Variants in THSD7B observed in about 807,000 individuals in gnomAD.
THSD7B encodes the protein thrombospondin type-1 domain-containing protein 7B.
In THSD7B, 138 loss-of-function variants were observed where a neutral mutation model predicts 213.6. That is an observed-to-expected ratio of 0.65 (90% confidence interval 0.56 to 0.74). The LOEUF is 0.74. Ranked by LOEUF, THSD7B falls within the 30% of genes least tolerant of loss-of-function variation. THSD7B has a pLI of 0.00. For missense variants in THSD7B, 1,931 were observed against 1,991.5 expected (o/e 0.97, Z 0.58); for synonymous variants, 742 against 687.0 (o/e 1.08, Z -1.25).
intron 14 of THSD7B, among the ~76,000 whole-genome samples, chr2:137,449,097 T>C (rs2375463): frequency 0.6 from 90,579 of 151,694 alleles, 28,340 homozygotes; most frequent in East Asian, 0.79. Flanking sequence ...TGATCTTTTT[T>C]CCCCCCCTCA....
intron 16 of THSD7B, among the ~76,000 whole-genome samples, chr2:137,564,499 A>G (rs1027602653): frequency 2.6e-5 from 4 of 152,116 alleles, no homozygotes; most frequent in African/African-American, 7.2e-5. Flanking sequence ...GGCTGTTGCA[A>G]ATTTGGAGCT....
intron 15 of THSD7B, among the ~76,000 whole-genome samples, chr2:137,555,392 C>T (rs988240910): frequency 5.9e-5 from 9 of 152,172 alleles, no homozygotes; most frequent in Non-Finnish European, 1.0e-4. Flanking sequence ...CAGCAACATT[C>T]GCTGTTCTGC....
Position 137,632,020 on chromosome 2 carries a change from G to C in THSD7B, c.3800-10468G>C, listed in dbSNP as rs192653746. ...ATAGACCTAATTTTACCGATGTAAT[G>C]ATAGGCACTGAAGTAATCTGCCCAA... is the stretch of plus-strand genomic sequence containing the variant. On this transcript the variant is annotated intron_variant, in intron 20 of 27. Coordinates refer to ENST00000409968, the MANE Select transcript of THSD7B (RefSeq NM_001316349.2). Among the ~76,000 whole-genome samples the C allele has an allele frequency of 1.6e-3, 248 of 152,238 alleles. 1 individual carries two copies. Among genetic ancestry groups the C allele is most frequent in the African/African-American group, 5.7e-3 (237 of 41,528 alleles).
intron 1 of THSD7B, among the ~76,000 whole-genome samples, chr2:136,798,842 A>G (rs1682118548): frequency 6.6e-6 from 1 of 152,006 alleles, no homozygotes; most frequent in African/African-American, 2.4e-5. Context: ...AAATTCCCAT[A>G]AACATTGACC....
chr2:137,039,692 A>C (rs16837912), intron 2 of THSD7B, among the ~76,000 whole-genome samples: 10,807 of 152,246 alleles, frequency 0.071, 781 homozygotes, highest in East Asian at 0.22. Context: ...ATTAAAGCAA[A>C]CAGTGTCCTG....
chr2:136,895,761 A>G (rs1187666343), intron 2 of THSD7B, among the ~76,000 whole-genome samples: 1 of 152,126 alleles, frequency 6.6e-6, no homozygotes, highest in African/African-American at 2.4e-5. Flanking sequence ...ATGCCCATTT[A>G]CAGTTAGCCT....
intron 2 of THSD7B, among the ~76,000 whole-genome samples, chr2:136,993,691 CAACAAG>C (rs762179223): frequency 1.3e-5 from 2 of 152,162 alleles, no homozygotes; most frequent in African/African-American, 2.4e-5. Context: ...TGAAAAACAA[CAACAAG>C]AACAAGAACA....
At chr2:137,452,563 T>G (rs1687673452) in intron 15 of THSD7B, among the ~76,000 whole-genome samples, 1 of 152,198 alleles carries the variant, frequency 6.6e-6, no homozygotes, top group South Asian at 2.1e-4. Flanking sequence ...ATGATAATTC[T>G]TTTTGTATCT....
At chr2:137,132,256 C>T (rs956818460) in intron 5 of THSD7B, among the ~76,000 whole-genome samples, 3 of 151,110 alleles carry the variant, frequency 2.0e-5, no homozygotes, top group Admixed American at 1.3e-4. Flanking sequence ...GCTGAAGTTG[C>T]TTATCAGCTT....
At chr2:136,814,272 A>G (rs1682435167) in intron 1 of THSD7B, among the ~76,000 whole-genome samples, 1 of 152,204 alleles carries the variant, frequency 6.6e-6, no homozygotes. Context: ...ACTCACTTAT[A>G]TTAGCCTCGG....
chr2:137,660,340 G>T (rs1355777373), intron 25 of THSD7B, among the ~76,000 whole-genome samples: 4 of 152,014 alleles, frequency 2.6e-5, no homozygotes, highest in African/African-American at 4.8e-5. Flanking sequence ...CTCATGGTGT[G>T]CAGTGCACTA....
intron 2 of THSD7B, among the ~76,000 whole-genome samples, chr2:137,008,418 G>A (rs951902007): frequency 1.3e-5 from 2 of 152,132 alleles, no homozygotes; most frequent in African/African-American, 4.8e-5. Context: ...CCCTAAGGGT[G>A]CATTGTGTCT....
chr2:137,631,578 T>C (rs1296286825), intron 20 of THSD7B, among the ~76,000 whole-genome samples: 1 of 152,220 alleles, frequency 6.6e-6, no homozygotes, highest in African/African-American at 2.4e-5. Flanking sequence ...ACTTTGTGAC[T>C]TCCAGCTGTT....
intron 12 of THSD7B, among the ~76,000 whole-genome samples, chr2:137,280,465 A>G (rs1419776650): frequency 6.6e-6 from 1 of 152,188 alleles, no homozygotes; most frequent in Non-Finnish European, 1.5e-5. Flanking sequence ...TTCATTATGC[A>G]TTTGTTGCTG....
chr2:137,296,742 C>T (rs1683473351), intron 12 of THSD7B, among the ~76,000 whole-genome samples: 2 of 152,182 alleles, frequency 1.3e-5, no homozygotes, highest in Non-Finnish European at 2.9e-5. Context: ...TTGAAAACAA[C>T]AACTACACAG....
At chr2:137,302,483 G>A (rs1438459253) in intron 12 of THSD7B, among the ~76,000 whole-genome samples, 2 of 152,166 alleles carry the variant, frequency 1.3e-5, no homozygotes, top group African/African-American at 2.4e-5. Flanking sequence ...GACAAGAACA[G>A]TTATATGAAG....
At chr2:137,420,211 A>T (rs1320877557) in intron 14 of THSD7B, among the ~76,000 whole-genome samples, 1 of 152,018 alleles carries the variant, frequency 6.6e-6, no homozygotes, top group Non-Finnish European at 1.5e-5. Flanking sequence ...CTCATATTTC[A>T]TCCACCCCAC....
At position 137,155,193 on chromosome 2, in the gene THSD7B, T is replaced by C. The variant is rs115092908; in HGVS notation, c.1370-5020T>C. On this transcript the variant is annotated intron_variant, in intron 5 of 27. Coordinates refer to ENST00000409968, the MANE Select transcript of THSD7B (RefSeq NM_001316349.2). ...TATGTTATTTTGACTCTTTAACATT[T>C]TGTGACCATGAAGAGTCTCTGTGGG... 2.2e-3 allele frequency among the ~76,000 whole-genome samples: 335 copies of C among 152,342 alleles called. 4 individuals carry two copies. The highest frequency in any genetic ancestry group is 7.6e-3 in the African/African-American group (315 of 41,588).
intron 5 of THSD7B, among the ~76,000 whole-genome samples, chr2:137,144,224 G>A (rs36006058): frequency 0.081 from 12,303 of 152,026 alleles, 612 homozygotes; most frequent in African/African-American, 0.13. Flanking sequence ...CCCTTGGTAA[G>A]GTGAACTTTT....
Sources: allele counts gnomAD v4.1 joint callset (sites outside exome capture counted in the v4.1 genomes callset), GRCh38; gene constraint gnomAD v4.1.1; transcripts MANE v1.5; gene names NCBI Gene and HGNC (gene_info 2026-07-23, HGNC 2026-07-21).